C3orf70: variants seen among roughly 807,000 people sequenced by gnomAD.
The protein encoded by C3orf70 is UPF0524 protein C3orf70.
In C3orf70, 15 loss-of-function variants were observed where a neutral mutation model predicts 20.7. The observed-to-expected ratio is 0.72, with a 90% CI of 0.48 to 1.11. C3orf70 has a LOEUF of 1.11. Ranked by LOEUF, C3orf70 falls within the 50% of genes most tolerant of loss-of-function variation. The probability of loss-of-function intolerance (pLI) is 0.00; values close to 1 mark genes in which losing one functional copy is unlikely to be tolerated. For missense variants in C3orf70, 332 were observed against 317.6 expected, an observed-to-expected ratio of 1.05 and a Z score of -0.34; for synonymous variants, 161 against 125.7, an observed-to-expected ratio of 1.28 and a Z score of -1.88.
chr3:185,150,252 G>A (rs1026127323), intron 1 of C3orf70, among the ~76,000 whole-genome samples: 4 of 152,190 alleles, frequency 2.6e-5, no homozygotes, highest in South Asian at 2.1e-4. Context: ...AGTTCTACCC[G>A]CAAGCTTCAG....
At chr3:185,129,257 A>G (rs1577331116) in intron 1 of C3orf70, among the ~76,000 whole-genome samples, 1 of 152,046 alleles carries the variant, frequency 6.6e-6, no homozygotes, top group East Asian at 1.9e-4. Flanking sequence ...CACAGTGTCT[A>G]TTGTTCCCAT....
chr3:185,103,814 A>T (rs2108593355), intron 1 of C3orf70, among the ~76,000 whole-genome samples: 1 of 152,254 alleles, frequency 6.6e-6, no homozygotes, highest in East Asian at 1.9e-4. Context: ...TCCAACACAG[A>T]AGCCTTTTGT....
chr3:185,086,222 T>C (rs1715456926), intron 1 of C3orf70, among the ~76,000 whole-genome samples: 1 of 152,200 alleles, frequency 6.6e-6, no homozygotes, highest in African/African-American at 2.4e-5. Flanking sequence ...TTTATGCTTC[T>C]TCATAATTTC....
Position 185,081,406 on chromosome 3 carries a change from C to T in C3orf70, c.*1601G>A, listed in dbSNP as rs1474666922. 1 of 149,668 alleles carries T rather than the reference C, an allele frequency of 6.7e-6. No individual in the cohort carries two copies. The highest frequency in any genetic ancestry group is 2.5e-5 in the African/African-American group (1 of 40,486). 9.3% of individuals were successfully genotyped at this position (149,668 alleles called of 1,614,324 possible). A position where few individuals can be genotyped will look rare whatever the true frequency, so the allele number is the denominator to read the frequency against. On this transcript the variant is annotated 3_prime_UTR_variant, in exon 2 of 2. Transcript: ENST00000335012. ...TCCAGCCTGGGCAGCAAGAGGGAAA[C>T]TCCATCTCAAAAAAAAAAAAATTAA...
At chr3:185,110,548 C>T (rs189344180) in intron 1 of C3orf70, among the ~76,000 whole-genome samples, 2 of 143,568 alleles carry the variant, frequency 1.4e-5, no homozygotes, top group Non-Finnish European at 2.9e-5. Flanking sequence ...TAGGAGCAGG[C>T]CCCCCCTCAA....
At chr3:185,132,318 TAAAA>T (rs1221799490) in intron 1 of C3orf70, among the ~76,000 whole-genome samples, 1 of 149,196 alleles carries the variant, frequency 6.7e-6, no homozygotes, top group Non-Finnish European at 1.5e-5. Context: ...TTCACAGAAA[TAAAA>T]GAAAGTGAAG....
intron 1 of C3orf70, among the ~76,000 whole-genome samples, chr3:185,087,274 AAGAG>A (rs1218426351): frequency 1.3e-5 from 2 of 152,230 alleles, no homozygotes; most frequent in African/African-American, 2.4e-5. Flanking sequence ...CTCAGAGAAA[AAGAG>A]AGCAAAAGGA....
intron 1 of C3orf70, among the ~76,000 whole-genome samples, chr3:185,133,259 T>C (rs980745751): frequency 1.3e-5 from 2 of 152,202 alleles, no homozygotes; most frequent in Non-Finnish European, 2.9e-5. Context: ...AAACAGAATT[T>C]GGCAATATCT....
intron 1 of C3orf70, among the ~76,000 whole-genome samples, chr3:185,090,726 A>G (rs950192623): frequency 2.0e-5 from 3 of 152,206 alleles, no homozygotes; most frequent in African/African-American, 7.2e-5. Context: ...GCATATCACA[A>G]ACCAAAAGCA....
intron 1 of C3orf70, among the ~76,000 whole-genome samples, chr3:185,134,481 G>C (rs975744802): frequency 6.6e-6 from 1 of 152,028 alleles, no homozygotes; most frequent in Non-Finnish European, 1.5e-5. Flanking sequence ...TGAGTTCCCT[G>C]GTATTTTCTT....
rs1257903595 is a variant in C3orf70, at chr3:185,077,083, G to T, written c.*5924C>A. On this transcript the variant is annotated 3_prime_UTR_variant, in exon 2 of 2. Transcript: ENST00000335012. ...GTGATTAAACATGGAAGAAGCAATG[G>T]CCTCATCAGAGCATAGAGATATTTG... Among the ~76,000 whole-genome samples, 1 of 152,104 alleles carries T rather than the reference G, an allele frequency of 6.6e-6. No individual in the cohort carries two copies. Among genetic ancestry groups the T allele is most frequent in the Non-Finnish European group, 1.5e-5 (1 of 68,032 alleles).
intron 1 of C3orf70, among the ~76,000 whole-genome samples, chr3:185,144,349 C>T (rs933296571): frequency 1.9e-4 from 29 of 152,188 alleles, no homozygotes; most frequent in African/African-American, 7.0e-4. Context: ...GACTCCAGTG[C>T]CTGCCATCAG....
At chr3:185,151,803 T>C (rs1008858476) in intron 1 of C3orf70, among the ~76,000 whole-genome samples, 1 of 152,228 alleles carries the variant, frequency 6.6e-6, no homozygotes, top group Admixed American at 6.5e-5. Context: ...GAATGATTCA[T>C]CGGATATAGT....
chr3:185,111,734 G>T (rs966067271), intron 1 of C3orf70, among the ~76,000 whole-genome samples: 1 of 152,196 alleles, frequency 6.6e-6, no homozygotes, highest in Non-Finnish European at 1.5e-5. Context: ...AGTCCAGTCA[G>T]TAAGGACTAG....
chr3:185,117,456 G>A (rs1018928798), intron 1 of C3orf70, among the ~76,000 whole-genome samples: 1 of 141,786 alleles, frequency 7.1e-6, no homozygotes, highest in African/African-American at 2.8e-5. Flanking sequence ...CACACAGAAA[G>A]AGAGAGAGAG....
intron 1 of C3orf70, among the ~76,000 whole-genome samples, chr3:185,095,886 G>A (rs1715691273): frequency 6.6e-6 from 1 of 151,976 alleles, no homozygotes; most frequent in Non-Finnish European, 1.5e-5. Flanking sequence ...ATAGGTGCGT[G>A]CCACCACTCT....
At chr3:185,114,132 C>T (rs574753480) in intron 1 of C3orf70, among the ~76,000 whole-genome samples, 5 of 152,150 alleles carry the variant, frequency 3.3e-5, no homozygotes, top group African/African-American at 1.2e-4. Flanking sequence ...CTAGGAGGCA[C>T]AGGTTGTGGT....
At position 185,138,700 on chromosome 3, in the gene C3orf70, T is replaced by C. The variant is rs921982760; in HGVS notation, c.196+13928A>G. Among the ~76,000 whole-genome samples, 5 of 152,314 alleles carry C rather than the reference T, an allele frequency of 3.3e-5. No individual in the cohort carries two copies. The East Asian group carries it at 7.7e-4, about 23-fold the overall frequency. ...AGCATCTGACAAAACTTAATACCCA[T>C]TCAAGATTTTTTTTAAAACCTCTCA... On this transcript the variant is annotated intron_variant, in intron 1 of 1. Transcript: ENST00000335012.
chr3:185,132,132 G>C (rs929824177), intron 1 of C3orf70, among the ~76,000 whole-genome samples: 1 of 152,090 alleles, frequency 6.6e-6, no homozygotes, highest in Non-Finnish European at 1.5e-5. Context: ...AAGCAAATCC[G>C]ATCTGAAGGA....
Sources: gnomAD v4.1 joint callset for allele counts (sites outside exome capture counted in the v4.1 genomes callset) on GRCh38, gnomAD v4.1.1 for gene constraint, MANE v1.5 for transcripts, NCBI Gene and HGNC (gene_info 2026-07-23, HGNC 2026-07-21) for gene names.